CCDC93: variants seen among roughly 807,000 people sequenced by gnomAD.
CCDC93 encodes coiled-coil domain-containing protein 93.
Under a neutral mutation model 108.2 loss-of-function variants are expected in CCDC93, and 61 were observed. The observed-to-expected ratio is 0.56, with a 90% CI of 0.46 to 0.70. The LOEUF (loss-of-function observed/expected upper bound fraction) is 0.70. CCDC93 is among the 30% of genes least tolerant of loss of function. The probability of loss-of-function intolerance (pLI) is 0.00; values close to 1 mark genes in which losing one functional copy is unlikely to be tolerated. For synonymous variants in CCDC93, 276 were observed against 260.4 expected (o/e 1.06, Z -0.58); for missense variants, 685 against 764.2 (o/e 0.90, Z 1.22).
In CCDC93 at chr2:118,007,029, T is replaced by C. The variant is rs951765755; in HGVS notation, c.157-213A>G. On this transcript the variant is annotated intron_variant, in intron 2 of 23. Coordinates refer to ENST00000376300, the MANE Select transcript of CCDC93 (RefSeq NM_019044.5). ...AGAAAACTTTCTGCAGTGACAGAAA[T>C]ATTCCGTTATCTGCAAGGACAAGTA... 6.4e-5 allele frequency among the ~76,000 whole-genome samples: 9 copies of C among 140,672 alleles called. No homozygotes were observed. The East Asian group carries it at 2.1e-3, about 33-fold the overall frequency. The allele number at this position is 140,672 out of a possible 152,430, so 92.3% of individuals were successfully genotyped here.
intron 13 of CCDC93, among the ~76,000 whole-genome samples, chr2:117,952,053 T>C (rs932428219): frequency 1.4e-4 from 22 of 151,754 alleles, no homozygotes; most frequent in Admixed American, 1.4e-3. Context: ...ATTTACTGAG[T>C]GACACTGTGA....
chr2:117,939,089 G>A lies in CCDC93; in HGVS notation c.1545C>T (p.Thr515=), dbSNP rs1367298123. The change falls in exon 20 of 24, where the codon ACC becomes ACT. Residue 515 remains threonine, a synonymous_variant. Coordinates refer to ENST00000376300, the MANE Select transcript of CCDC93 (RefSeq NM_019044.5). ...YRQISAVHKE[T]KQFFTLYNTL... ...TATTATATAAAGTGAAGAACTGCTT[G>A]GTTTCTTTGTGCACTGCTGAAACTG... The A allele has an allele frequency of 1.2e-6, 2 of 1,607,420 alleles. No homozygotes were observed. The highest frequency in any genetic ancestry group is 1.7e-6 in the Non-Finnish European group (2 of 1,174,442).
chr2:118,013,848 GGC>G, intron 1 of CCDC93, 104 bp downstream of exon 1: 1 of 990,606 alleles, frequency 1.0e-6, no homozygotes, highest in Non-Finnish European at 1.5e-6. Flanking sequence ...TGAGGAAGGG[GGC>G]GGGGCGCCCC....
intron 23 of CCDC93, among the ~76,000 whole-genome samples, chr2:117,923,669 CCTGCCTGCCTG>C (rs1205356336): frequency 9.1e-6 from 1 of 109,310 alleles, no homozygotes; most frequent in African/African-American, 4.2e-5. Context: ...TGCCTGCCTG[CCTGCCTGCCTG>C]CCTCTATAGA....
chr2:117,946,997 GA>G, intron 15 of CCDC93, 115 bp from the exon 16 acceptor site: 1 of 812,792 alleles, frequency 1.2e-6, no homozygotes, highest in South Asian at 1.6e-5. Context: ...ATTCTGGGAC[GA>G]AAAGCTAATG....
At chr2:117,935,098 G>T (rs1318159214) in intron 22 of CCDC93, among the ~76,000 whole-genome samples, 1 of 152,116 alleles carries the variant, frequency 6.6e-6, no homozygotes. Context: ...CTCTTGTGGC[G>T]GAATGTCAGG....
At chr2:117,955,916 A>T (rs1045642344) in intron 12 of CCDC93, among the ~76,000 whole-genome samples, 3 of 152,254 alleles carry the variant, frequency 2.0e-5, no homozygotes, top group Non-Finnish European at 4.4e-5. Context: ...AGACACAAAT[A>T]GTAGCTTGCT....
chr2:117,941,364 C>A, intron 18 of CCDC93, 67 bp from the exon 19 acceptor site: 1 of 1,270,674 alleles, frequency 7.9e-7, no homozygotes, highest in Non-Finnish European at 1.1e-6. Flanking sequence ...TCTAGGGAGC[C>A]AAAATATTGC....
chr2:117,926,119 G>C (rs1307795345), intron 23 of CCDC93, among the ~76,000 whole-genome samples: 1 of 152,058 alleles, frequency 6.6e-6, no homozygotes, highest in Non-Finnish European at 1.5e-5. Flanking sequence ...ATTCAAAGCA[G>C]TGTGTAGAGG....
chr2:117,935,600 G>T, intron 21 of CCDC93, 21 bp from the exon 22 acceptor site: 1 of 1,569,452 alleles, frequency 6.4e-7, no homozygotes, highest in Non-Finnish European at 8.8e-7. Context: ...AACCAGTAGA[G>T]TTATGACCGG....
At chr2:117,966,598 G>C (rs1302292253) in intron 11 of CCDC93, among the ~76,000 whole-genome samples, 1 of 152,248 alleles carries the variant, frequency 6.6e-6, no homozygotes, top group Non-Finnish European at 1.5e-5. Flanking sequence ...GCATCATAAA[G>C]TGGAATAAAA....
Position 117,958,421 on chromosome 2 carries a change from G to A in CCDC93, c.949C>T (p.Arg317Trp), listed in dbSNP as rs200247512. 7.1e-5 allele frequency: 115 copies of A among 1,613,716 alleles called. No individual in the cohort carries two copies. The highest frequency in any genetic ancestry group is 1.3e-4 in the Admixed American group (8 of 59,990). The change falls in exon 12 of 24, where the codon CGG (arginine) becomes TGG (tryptophan). Residue 317 changes from arginine to tryptophan, a missense_variant. Coordinates refer to ENST00000376300, the MANE Select transcript of CCDC93 (RefSeq NM_019044.5). ...EKLGTSQLHRRKVISLNKQIA... is the reference protein window; with the variant it reads ...EKLGTSQLHRWKVISLNKQIA... ...TGTTTGTTCAAGGAAATGACTTTCC[G>A]GCGATGTAGCTGGGAGGTTCCTAAT...
chr2:117,949,679 T>C (rs1272340762), intron 13 of CCDC93: 9 of 828,344 alleles, frequency 1.1e-5, no homozygotes, highest in South Asian at 5.5e-5. Context: ...TTTTGTACGA[T>C]GTGAATGTGT....
rs186994865 is a variant in CCDC93 at position 117,923,868 on chromosome 2, G to A, written c.1843-3472C>T. Among the ~76,000 whole-genome samples the A allele has an allele frequency of 4.6e-5, 7 of 152,094 alleles. No homozygotes were observed. The East Asian group carries it at 1.4e-3, about 29-fold the overall frequency. ...CCTGACCCCCGAGTAGCCAAACTGG[G>A]AGGCACACCCCAGTAGGGGCACATT... On this transcript the variant is annotated intron_variant, in intron 23 of 23. Coordinates refer to ENST00000376300, the MANE Select transcript of CCDC93 (RefSeq NM_019044.5).
At chr2:117,938,928 A>C in intron 20 of CCDC93, 101 bp downstream of exon 20, 1 of 638,338 alleles carries the variant, frequency 1.6e-6, no homozygotes, top group Non-Finnish European at 2.8e-6. Context: ...TCTTTCTGCT[A>C]ATGCTGAACA....
intron 1 of CCDC93, among the ~76,000 whole-genome samples, chr2:118,010,107 T>G (rs10625824): frequency 0.35 from 52,599 of 150,748 alleles, 9,675 homozygotes; most frequent in Middle Eastern, 0.48. Flanking sequence ...ACGCCCGTTT[T>G]TTTGTTTGTT....
chr2:117,986,191 G>T (rs1642722453), intron 6 of CCDC93, 122 bp from the exon 7 acceptor site: 1 of 541,250 alleles, frequency 1.8e-6, no homozygotes, highest in Non-Finnish European at 3.2e-6. Context: ...TTGAGACAGA[G>T]TCTCGCTCTG....
chr2:117,975,402 TGA>T, intron 8 of CCDC93, 122 bp from the exon 9 acceptor site: 1 of 687,838 alleles, frequency 1.5e-6, no homozygotes, highest in Non-Finnish European at 2.5e-6. Flanking sequence ...AGCAGCATCC[TGA>T]GAGAGTGGAT....
intron 15 of CCDC93, among the ~76,000 whole-genome samples, 197 bp from the exon 16 acceptor site, chr2:117,947,079 T>C (rs1341894652): frequency 6.6e-6 from 1 of 152,192 alleles, no homozygotes; most frequent in Admixed American, 6.5e-5. Context: ...CAGCTATTCC[T>C]CCATCAAAAG....
Sources: gnomAD v4.1 joint callset for allele counts (sites outside exome capture counted in the v4.1 genomes callset) on GRCh38, gnomAD v4.1.1 for gene constraint, MANE v1.5 for transcripts, NCBI Gene and HGNC (gene_info 2026-07-23, HGNC 2026-07-21) for gene names.